The following ALAD variants were observed in gnomAD, a reference collection of about 807,000 sequenced individuals.
ALAD encodes aminolevulinate dehydratase.
Under a neutral mutation model 44.4 loss-of-function variants are expected in ALAD, and 20 were observed. That is an observed-to-expected ratio of 0.45 (90% CI 0.32 to 0.65). The LOEUF (loss-of-function observed/expected upper bound fraction) is 0.65. Among genes scored for constraint, ALAD ranks in the 30% least tolerant of loss-of-function variants. The pLI is 0.05. For missense variants in ALAD, 323 were observed against 445.7 expected (o/e 0.72, Z 2.48); for synonymous variants, 156 against 167.9 (o/e 0.93, Z 0.55).
Position 113,389,600 on chromosome 9 carries a change from A to G in ALAD, c.713T>C (p.Val238Ala), listed in dbSNP as rs1409212167. The change falls in exon 9 of 12, where the codon GTG (valine) becomes GCG (alanine). Residue 238 changes from valine to alanine, a missense_variant and splice_region_variant. Transcript: ENST00000409155. The stretch of plus-strand genomic sequence containing the variant: ...GGGGCTCAAGTCCTAGTCACTCACC[A>G]CAGCTCGGAGAGCCAGGCCTCGTGC... ...PGARGLALRA[V>A]DRDVREGADM... The G allele has an allele frequency of 1.2e-6, 2 of 1,614,124 alleles. No homozygotes were observed.
rs1564371147 is a variant in ALAD, at chr9:113,390,808, A to G, written c.387T>C (p.His129=). Residue 129 remains histidine (H), a synonymous_variant, in exon 5 of 12, where the codon CAT becomes CAC. Transcript: ENST00000409155. Reference sequence around the variant, plus strand: ...AGGGAGGGAACTCACCGCAGTGACCATGGGAGGTGTAGGGACACAGGCAGA... The same window carrying G: ...AGGGAGGGAACTCACCGCAGTGACCGTGGGAGGTGTAGGGACACAGGCAGA... ...CDVCLCPYTS[H]GHCGLLSENG... 19 of 1,611,262 alleles carry G rather than the reference A, an allele frequency of 1.2e-5. No individual in the cohort carries two copies. The highest frequency in any genetic ancestry group is 1.4e-5 in the Non-Finnish European group (17 of 1,178,928).
chr9:113,387,948 C>T lies in ALAD; in HGVS notation c.*352G>A. ...AAGATCCCACTGCTCTCTTCTTCCCCTAATGCTCCAAGACCCTCTCCCAGC... is the reference window on the plus strand; with the variant it reads ...AAGATCCCACTGCTCTCTTCTTCCCTTAATGCTCCAAGACCCTCTCCCAGC... On this transcript the variant is annotated 3_prime_UTR_variant, in exon 12 of 12. Transcript: ENST00000409155. 1 of 370,886 alleles carries T rather than the reference C, an allele frequency of 2.7e-6. No individual in the cohort carries two copies. Among genetic ancestry groups the T allele is most frequent in the Non-Finnish European group, 5.2e-6 (1 of 192,038 alleles). 23.0% of individuals were successfully genotyped at this position (370,886 alleles called of 1,614,324 possible).
chr9:113,391,661 G>T lies in ALAD; in HGVS notation c.165-38C>A, dbSNP rs774997435. ...GGGTAGAGGGGTTGAAGGAAGGCAG[G>T]TCCCAGGCAACGGTCCTCCGGACCC... On this transcript the variant is annotated intron_variant, in intron 3 of 11. Coordinates refer to ENST00000409155, the MANE Select transcript of ALAD (RefSeq NM_000031.6). 4 of 1,556,292 alleles carry T rather than the reference G, an allele frequency of 2.6e-6. No homozygotes were observed. In the South Asian group the frequency reaches 4.5e-5, roughly 17 times the overall value.
chr9:113,388,730 A>C (rs1227545586), intron 11 of ALAD, among the ~76,000 whole-genome samples: 9 of 152,316 alleles, frequency 5.9e-5, no homozygotes, highest in Non-Finnish European at 1.2e-4. Context: ...GTTATGGGTG[A>C]GGACACTGAG....
rs1194458055 is a variant in ALAD, at chr9:113,389,834, G to A, written c.571-6C>T. 1 of 1,614,216 alleles carries A rather than the reference G, an allele frequency of 6.2e-7. No homozygotes were observed. The highest frequency in any genetic ancestry group is 8.5e-7 in the Non-Finnish European group (1 of 1,180,048). On this transcript the variant is annotated splice_region_variant and splice_polypyrimidine_tract_variant and intron_variant, in intron 7 of 11. Transcript: ENST00000409155. The stretch of plus-strand genomic sequence containing the variant: ...CTGTAGCTCATCACCGATACCTATG[G>A]GGAGACAATGGAGGTCTTGGCTTAT...
Position 113,389,114 on chromosome 9 carries a change from G to T in ALAD, c.802-8C>A, listed in dbSNP as rs1342039433. 1.9e-6 allele frequency: 3 copies of T among 1,613,936 alleles called. No individual in the cohort carries two copies. In the East Asian group the frequency reaches 6.7e-5, roughly 36 times the overall value. Reference sequence around the variant, plus strand: ...GAGAGGGAGGTCAGGGTGCTGCAGGGAAGCAGACAGGGAGACAGGCTGAAA... The same window carrying T: ...GAGAGGGAGGTCAGGGTGCTGCAGGTAAGCAGACAGGGAGACAGGCTGAAA... On this transcript the variant is annotated splice_polypyrimidine_tract_variant and splice_region_variant and intron_variant, in intron 10 of 11. Transcript: ENST00000409155.
intron 2 of ALAD, chr9:113,392,499 C>T: frequency 2.7e-6 from 1 of 371,966 alleles, no homozygotes; most frequent in Non-Finnish European, 4.8e-6. Context: ...TGACCGTGGC[C>T]AAGTTCTATC....
intron 2 of ALAD, 49 bp downstream of exon 2, chr9:113,393,398 C>CCAA (rs1254955633): frequency 6.5e-7 from 1 of 1,544,002 alleles, no homozygotes. Flanking sequence ...CTCCCCAACC[C>CCAA]CAACCCCAAC....
At position 113,393,602 on chromosome 9, in the gene ALAD, G is replaced by A. The variant is rs3203557; in HGVS notation, c.-43C>T. ...ACAGGGGCATCAGTTGGTTGGAACC[G>A]AGGGCTCCTGGGGCATTGGCTGCAG... On this transcript the variant is annotated 5_prime_UTR_variant, in exon 2 of 12. Transcript: ENST00000409155. 15 of 1,536,136 alleles carry A rather than the reference G, an allele frequency of 9.8e-6. No individual in the cohort carries two copies. Among genetic ancestry groups the A allele is most frequent in the Admixed American group, 1.7e-5 (1 of 59,862 alleles).
intron 5 of ALAD, 40 bp downstream of exon 5, chr9:113,390,758 T>C (rs778915076): frequency 6.3e-7 from 1 of 1,597,296 alleles, no homozygotes. Context: ...GCAGTAGGAG[T>C]GTGGGTGGCA....
Position 113,388,358 on chromosome 9 carries a change from G to C in ALAD, c.935C>G (p.Ala312Gly). ...TGTGTAGTAGGTGATGATGATGTCA[G>C]CACCTGTGTTGGGAGAGATGCAGAA... ...EAMTAFRRAG[A>G]DIIITYYTPQ... The change falls in exon 12 of 12, where the codon GCT becomes GGT. Residue 312 changes from alanine (A) to glycine (G), a missense_variant. Transcript: ENST00000409155. The C allele has an allele frequency of 6.2e-7, 1 of 1,613,964 alleles. No individual in the cohort carries two copies. Among genetic ancestry groups the C allele is most frequent in the Non-Finnish European group, 8.5e-7 (1 of 1,179,960 alleles).
intron 1 of ALAD, among the ~76,000 whole-genome samples, chr9:113,394,755 G>A (rs1407769493): frequency 6.6e-6 from 1 of 151,812 alleles, no homozygotes; most frequent in East Asian, 2.0e-4. Context: ...TCTACCTCTA[G>A]AGAAAAGTAC....
intron 1 of ALAD, chr9:113,396,634 G>T: frequency 6.5e-6 from 1 of 153,176 alleles, no homozygotes; most frequent in Non-Finnish European, 1.5e-5. Context: ...AGGGTTAGTG[G>T]CCTGGTTGAC....
In ALAD at chr9:113,387,628, T is replaced by C. The variant is rs927597840; in HGVS notation, c.*672A>G. On this transcript the variant is annotated 3_prime_UTR_variant, in exon 12 of 12. Transcript: ENST00000409155. ...AGAGCAGAGATTCTCAAAAAGTATC[T>C]CCTGAATAAAAAGTGTTTGTGGTGG... is the stretch of plus-strand genomic sequence containing the variant. The C allele has an allele frequency of 6.3e-6, 1 of 158,550 alleles. No homozygotes were observed. Among genetic ancestry groups the C allele is most frequent in the African/African-American group, 2.4e-5 (1 of 41,470 alleles). The allele number at this position is 158,550 out of a possible 1,614,324, so 9.8% of individuals were successfully genotyped here.
chr9:113,399,940 G>T (rs913871165), intron 1 of ALAD, among the ~76,000 whole-genome samples: 1 of 152,208 alleles, frequency 6.6e-6, no homozygotes, highest in African/African-American at 2.4e-5. Context: ...GAAAAGAGAT[G>T]AAGTGTTTAT....
intron 1 of ALAD, among the ~76,000 whole-genome samples, chr9:113,398,901 T>C (rs573481633): frequency 6.6e-6 from 1 of 152,248 alleles, no homozygotes; most frequent in East Asian, 1.9e-4. Context: ...GGGTTTTGCT[T>C]TGCAAAAAGG....
At chr9:113,393,168 C>T (rs1489165867) in intron 2 of ALAD, 1 of 490,584 alleles carries the variant, frequency 2.0e-6, no homozygotes, top group Non-Finnish European at 3.7e-6. Context: ...ATGTACAGAG[C>T]ACCTTCTCAG....
At chr9:113,394,676 A>G (rs1225265937) in intron 1 of ALAD, among the ~76,000 whole-genome samples, 1 of 152,232 alleles carries the variant, frequency 6.6e-6, no homozygotes, top group Non-Finnish European at 1.5e-5. Context: ...TTCCACAAAA[A>G]ATGCCCGTGT....
At chr9:113,392,257 G>C in intron 2 of ALAD, 88 bp from the exon 3 acceptor site, 1 of 1,606,964 alleles carries the variant, frequency 6.2e-7, no homozygotes, top group Non-Finnish European at 8.5e-7. Flanking sequence ...TGGGAAGCAG[G>C]AAAGAAATAT....
Sources: gnomAD v4.1 joint callset for allele counts (sites outside exome capture counted in the v4.1 genomes callset) on GRCh38, gnomAD v4.1.1 for gene constraint, MANE v1.5 for transcripts, NCBI Gene and HGNC (gene_info 2026-07-23, HGNC 2026-07-21) for gene names.